The following HOMER2 variants were observed in gnomAD, a reference collection of about 807,000 sequenced individuals.
The protein encoded by HOMER2 is homer protein homolog 2.
In HOMER2, 27 loss-of-function variants were observed where a neutral mutation model predicts 47.0. The observed-to-expected ratio is 0.57, with a 90% CI of 0.42 to 0.79. The LOEUF is 0.79. Among genes scored for constraint, HOMER2 ranks in the 30% least tolerant of loss-of-function variants. The probability of loss-of-function intolerance (pLI) is 0.00; values close to 1 mark genes in which losing one functional copy is unlikely to be tolerated. For synonymous variants in HOMER2, 161 were observed against 163.8 expected (o/e 0.98, Z 0.13); for missense variants, 443 against 435.0 (o/e 1.02, Z -0.16).
intron 3 of HOMER2, among the ~76,000 whole-genome samples, chr15:82,865,869 G>A (rs1386972869): frequency 6.6e-6 from 1 of 152,202 alleles, no homozygotes; most frequent in Non-Finnish European, 1.5e-5. Flanking sequence ...GATTTCAGAG[G>A]ATGTATGGAA....
At chr15:82,902,948 C>A (rs928885416) in intron 1 of HOMER2, among the ~76,000 whole-genome samples, 2 of 152,212 alleles carry the variant, frequency 1.3e-5, no homozygotes, top group Non-Finnish European at 2.9e-5. Flanking sequence ...ATCTGTGAGA[C>A]CATATCTTGC....
exon 2 of HOMER2, chr15:82,959,133 A>C: frequency 6.6e-6 from 1 of 152,554 alleles, no homozygotes; most frequent in Non-Finnish European, 1.5e-5. Flanking sequence ...GTCAAGCCAA[A>C]GTCTCCGAAC....
Position 82,849,455 on chromosome 15 carries a change from G to C in HOMER2, c.*260C>G. 1 of 510,410 alleles carries C rather than the reference G, an allele frequency of 2.0e-6. No homozygotes were observed. The allele number at this position is 510,410 out of a possible 1,614,324, so 31.6% of individuals were successfully genotyped here. ...TGAAAGATATAAACATCCCTGCCCT[G>C]ACTGCATAAATGTTGAAGGTAGACC... is the stretch of plus-strand genomic sequence containing the variant. On this transcript the variant is annotated 3_prime_UTR_variant, in exon 9 of 9. Coordinates refer to ENST00000450735, the MANE Select transcript of HOMER2 (RefSeq NM_004839.4).
At chr15:82,934,885 T>C (rs905425705) in intron 1 of HOMER2, among the ~76,000 whole-genome samples, 34 of 152,208 alleles carry the variant, frequency 2.2e-4, no homozygotes, top group African/African-American at 8.2e-4. Flanking sequence ...CTCCTCCAGC[T>C]TCCCACACCC....
chr15:82,984,514 G>A (rs1259173929), intron 1 of HOMER2, among the ~76,000 whole-genome samples: 1 of 152,086 alleles, frequency 6.6e-6, no homozygotes, highest in Non-Finnish European at 1.5e-5. Context: ...CAGTGCTAAC[G>A]TCATGGAAAA....
chr15:82,967,163 A>C (rs1347856875), intron 1 of HOMER2, among the ~76,000 whole-genome samples: 1 of 151,844 alleles, frequency 6.6e-6, no homozygotes, highest in Non-Finnish European at 1.5e-5. Context: ...AGGAGGATCA[A>C]CTGAGCCCAG....
At chr15:82,876,815 T>A (rs2052363585) in intron 2 of HOMER2, among the ~76,000 whole-genome samples, 1 of 152,206 alleles carries the variant, frequency 6.6e-6, no homozygotes, top group Non-Finnish European at 1.5e-5. Flanking sequence ...GGAACCTGAG[T>A]CTACTCTTTT....
At chr15:82,972,824 A>T (rs960590469) in intron 1 of HOMER2, among the ~76,000 whole-genome samples, 1 of 152,260 alleles carries the variant, frequency 6.6e-6, no homozygotes, top group African/African-American at 2.4e-5. Context: ...CTTCTGAGTA[A>T]CAAAATGCTT....
At chr15:82,971,287 C>G (rs577482237) in intron 1 of HOMER2, among the ~76,000 whole-genome samples, 2 of 152,122 alleles carry the variant, frequency 1.3e-5, no homozygotes, top group East Asian at 1.9e-4. Flanking sequence ...TTCCTGTAGT[C>G]CTAACTTCCA....
intron 1 of HOMER2, among the ~76,000 whole-genome samples, chr15:82,898,964 G>C (rs1283495015): frequency 6.6e-6 from 1 of 152,112 alleles, no homozygotes; most frequent in Non-Finnish European, 1.5e-5. Flanking sequence ...TAATTAGTTT[G>C]TATCTGTCTT....
At chr15:82,921,418 G>A (rs548623958) in intron 1 of HOMER2, among the ~76,000 whole-genome samples, 24 of 152,228 alleles carry the variant, frequency 1.6e-4, no homozygotes, top group Non-Finnish European at 2.8e-4. Flanking sequence ...GCTGGAGCAC[G>A]TCACACTTTC....
chr15:82,913,032 A>C lies in HOMER2; in HGVS notation c.6-20191T>G, dbSNP rs1423739170. Among the ~76,000 whole-genome samples the C allele has an allele frequency of 6.6e-6, 1 of 152,216 alleles. No homozygotes were observed. The highest frequency in any genetic ancestry group is 1.5e-5 in the Non-Finnish European group (1 of 68,036). ...CTTAGAAATACTGAAAACACAGAAA[A>C]CTGGGGTGTAGAGAGACAAGAGGGA... On this transcript the variant is annotated intron_variant, in intron 1 of 8. Transcript: ENST00000450735. This position sits in a 1 kb window ranked among gnomAD's most constrained non-coding sequence, Gnocchi z 4.1.
At chr15:82,838,098 C>G (rs949951747) in exon 2 of HOMER2, 1 of 152,504 alleles carries the variant, frequency 6.6e-6, no homozygotes, top group African/African-American at 2.4e-5. Flanking sequence ...AGGGGAAGAG[C>G]CTGCAGGGTC....
chr15:82,890,256 C>A (rs568193987), intron 2 of HOMER2, among the ~76,000 whole-genome samples: 3 of 152,114 alleles, frequency 2.0e-5, no homozygotes, highest in Non-Finnish European at 4.4e-5. Flanking sequence ...GTGGGAGAAT[C>A]GCTTGATCCT....
In HOMER2 at chr15:82,874,715, C is replaced by G. The variant is rs575742219; in HGVS notation, c.294+558G>C. Among the ~76,000 whole-genome samples the G allele has an allele frequency of 2.6e-5, 4 of 152,354 alleles. 1 individual carries two copies. In the East Asian group the frequency reaches 7.7e-4, roughly 29 times the overall value. ...CGCTTCCATTATGCATCACCTTACT[C>G]CCCAAGAGCTCCAAAAACAGAGTCA... is the stretch of plus-strand genomic sequence containing the variant. On this transcript the variant is annotated intron_variant, in intron 3 of 8. Transcript: ENST00000450735.
chr15:82,850,225 G>T (rs148333604), intron 8 of HOMER2, among the ~76,000 whole-genome samples: 1 of 152,382 alleles, frequency 6.6e-6, no homozygotes, highest in East Asian at 1.9e-4. Flanking sequence ...GCCCAGCAGG[G>T]AAAGTCTGAA....
At chr15:82,979,224 A>G (rs2030310369) in intron 1 of HOMER2, among the ~76,000 whole-genome samples, 3 of 152,246 alleles carry the variant, frequency 2.0e-5, no homozygotes, top group African/African-American at 7.2e-5. Flanking sequence ...CTTTATTAAT[A>G]AAGCAGCATA....
chr15:82,835,915 CT>C (rs1238936298), downstream of HOMER2: 2 of 152,198 alleles, frequency 1.3e-5, no homozygotes, highest in African/African-American at 2.4e-5. Flanking sequence ...TGGGACTTTT[CT>C]TATGCATATT....
At chr15:82,845,263 C>G (rs1310834873), downstream of HOMER2, 1 of 148,386 alleles carries the variant, frequency 6.7e-6, no homozygotes, top group Admixed American at 6.7e-5. Context: ...CACACACACG[C>G]GTGCGCACAT....
Sources: gnomAD v4.1 joint callset for allele counts (sites outside exome capture counted in the v4.1 genomes callset) on GRCh38, gnomAD v4.1.1 for gene constraint, Gnocchi (gnomAD v3.1) non-coding constraint, MANE v1.5 for transcripts, NCBI Gene and HGNC (gene_info 2026-07-23, HGNC 2026-07-21) for gene names.